The following LYST variants were observed in gnomAD, a reference collection of about 807,000 sequenced individuals.
The protein encoded by LYST is lysosomal trafficking regulator.
LYST carries 192 observed loss-of-function variants against 413.6 expected under a neutral mutation model. The ratio of observed to expected loss-of-function variants is 0.46; its 90% CI spans 0.41 to 0.52. LYST has a LOEUF of 0.52. Ranked by LOEUF, LYST falls within the 20% of genes least tolerant of loss-of-function variation. The pLI, the probability that LYST is intolerant of heterozygous loss-of-function variation, is 0.00. For missense variants in LYST, 3,815 were observed against 4,499.9 expected (o/e 0.85, Z 4.35); for synonymous variants, 1,525 against 1,567.3 (o/e 0.97, Z 0.64).
intron 1 of LYST, among the ~76,000 whole-genome samples, chr1:235,872,109 A>C (rs1680950802): frequency 6.6e-6 from 1 of 152,104 alleles, no homozygotes; most frequent in Admixed American, 6.6e-5. Context: ...CAGCCTGGCC[A>C]ATGTGGCGAA....
Position 235,806,236 on chromosome 1 carries a change from C to A in LYST, c.2900G>T (p.Cys967Phe). The A allele has an allele frequency of 1.2e-6, 2 of 1,613,928 alleles. No individual in the cohort carries two copies. Among genetic ancestry groups the A allele is most frequent in the Non-Finnish European group, 1.7e-6 (2 of 1,179,972 alleles). ...MHQAADIWSM[C>F]RWIYMLSSVF... The stretch of plus-strand genomic sequence containing the variant: ...TGAACTCAACATGTAGATCCAACGA[C>A]ACATAGACCAAATGTCTGCTGCTTG... Residue 967 changes from cysteine to phenylalanine, a missense_variant, in exon 6 of 53, where the codon TGT (cysteine) becomes TTT (phenylalanine). Coordinates refer to ENST00000389793, the MANE Select transcript of LYST (RefSeq NM_000081.4).
intron 21 of LYST, among the ~76,000 whole-genome samples, chr1:235,763,586 G>A (rs887781081): frequency 3.3e-5 from 5 of 152,020 alleles, no homozygotes; most frequent in Admixed American, 6.5e-5. Flanking sequence ...GAGTAGCTGG[G>A]ATTACAGGCA....
intron 28 of LYST, chr1:235,747,389 T>C: frequency 3.4e-6 from 1 of 292,496 alleles, no homozygotes; most frequent in Non-Finnish European, 7.1e-6. Flanking sequence ...CTACAAAAAT[T>C]ACTTACATAT....
rs1676226547 is a variant in LYST, at chr1:235,833,573, C to T, written c.-8+5G>A. 1 of 727,876 alleles carries T rather than the reference C, an allele frequency of 1.4e-6. No individual in the cohort carries two copies. Among genetic ancestry groups the T allele is most frequent in the South Asian group, 6.2e-5 (1 of 16,094 alleles). 45.1% of individuals were successfully genotyped at this position (727,876 alleles called of 1,614,324 possible). On this transcript the variant is annotated splice_donor_5th_base_variant and intron_variant, in intron 2 of 52. Transcript: ENST00000389793. ...TGGTTAATATTTATTACATTATATA[C>T]TTACCAGTCTTTCACCACTGCTGTG...
In LYST at chr1:235,774,957, C is replaced by A. The variant is rs139694536; in HGVS notation, c.5590G>T (p.Val1864Leu). The A allele has an allele frequency of 1.9e-6, 3 of 1,610,626 alleles. No individual in the cohort carries two copies. The highest frequency in any genetic ancestry group is 2.5e-6 in the Non-Finnish European group (3 of 1,178,488). Residue 1864 changes from valine (V) to leucine (L), a missense_variant, in exon 18 of 53, where the codon GTG (valine) becomes TTG (leucine). Around this residue, in one of 4 missense-constraint regions of LYST, gnomAD observed 530 missense variants for 696.5 expected, o/e 0.76. Transcript: ENST00000389793. ...NCNGLSMIHQ[V>L]LIKQKCIVGF... The stretch of plus-strand genomic sequence containing the variant: ...ACAATGCATTTTTGTTTGATCAACA[C>A]CTGATGAATCATAGAAAGTCCATTA...
intron 44 of LYST, among the ~76,000 whole-genome samples, 170 bp downstream of exon 44, chr1:235,708,920 GT>G (rs1662194770): frequency 6.6e-6 from 1 of 152,132 alleles, no homozygotes; most frequent in African/African-American, 2.4e-5. Flanking sequence ...ATAGTATCTT[GT>G]TTTTAAAGAG....
chr1:235,745,676 T>C (rs1364223163), intron 29 of LYST, among the ~76,000 whole-genome samples: 1 of 152,180 alleles, frequency 6.6e-6, no homozygotes, highest in Non-Finnish European at 1.5e-5. Flanking sequence ...CCCAGATTCA[T>C]ACATCCATAC....
chr1:235,845,224 A>G (rs1280098349), intron 1 of LYST, among the ~76,000 whole-genome samples: 3 of 152,198 alleles, frequency 2.0e-5, no homozygotes, highest in South Asian at 2.1e-4. Flanking sequence ...CCACTGGAGA[A>G]GCTGAAGGTC....
At chr1:235,685,561 A>C (rs1183308497) in intron 48 of LYST, among the ~76,000 whole-genome samples, 3 of 151,802 alleles carry the variant, frequency 2.0e-5, no homozygotes, top group African/African-American at 4.8e-5. Context: ...AAAAGTAAGA[A>C]CCTGGCTGGG....
intron 26 of LYST, 88 bp from the exon 27 acceptor site, chr1:235,752,259 T>TA: frequency 1.0e-6 from 1 of 992,526 alleles, no homozygotes; most frequent in South Asian, 1.4e-5. Context: ...TTAAATGGTT[T>TA]AAATTCCTGT....
At chr1:235,844,895 G>A (rs567332271) in intron 1 of LYST, among the ~76,000 whole-genome samples, 5 of 152,236 alleles carry the variant, frequency 3.3e-5, no homozygotes, top group African/African-American at 1.2e-4. Flanking sequence ...AAGCTTTACT[G>A]TGTAACTTTT....
chr1:235,777,098 C>T lies in LYST; in HGVS notation c.5425G>A (p.Gly1809Ser). The T allele has an allele frequency of 1.2e-6, 2 of 1,613,412 alleles. No individual in the cohort carries two copies. The highest frequency in any genetic ancestry group is 1.7e-6 in the Non-Finnish European group (2 of 1,179,550). ...AGAAAAACAAATATGCCAGTTCCAC[C>T]AATTTCGTGCAGAATGCCTTGAATA... is the stretch of plus-strand genomic sequence containing the variant. Reference protein sequence around the residue: ...KTIQGILHEIGGTGIFVFLFA... With the variant: ...KTIQGILHEISGTGIFVFLFA... The change falls in exon 17 of 53, where the codon GGT becomes AGT. Residue 1809 changes from glycine to serine, a missense_variant. Physicochemically the swap from Gly to Ser is moderately conservative, Grantham distance 56. Around this residue, in one of 4 missense-constraint regions of LYST, gnomAD observed 530 missense variants for 696.5 expected, o/e 0.76. Transcript: ENST00000389793.
Position 235,712,211 on chromosome 1 carries a change from C to A in LYST, c.9785-14G>T. The A allele has an allele frequency of 6.5e-7, 1 of 1,549,774 alleles. No individual in the cohort carries two copies. Among genetic ancestry groups the A allele is most frequent in the Non-Finnish European group, 8.8e-7 (1 of 1,134,840 alleles). On this transcript the variant is annotated splice_polypyrimidine_tract_variant and intron_variant, in intron 42 of 52. Transcript: ENST00000389793. ...CAAAACTTTGATCTATAAAAAAATA[C>A]AAATAATACGATTAAGACACAAAGA...
chr1:235,669,313 T>C (rs1383305421), intron 50 of LYST, among the ~76,000 whole-genome samples: 1 of 152,194 alleles, frequency 6.6e-6, no homozygotes, highest in Non-Finnish European at 1.5e-5. Flanking sequence ...GCAGGGAACC[T>C]AAGACAGTTT....
chr1:235,723,652 G>T (rs1663593291), intron 39 of LYST, among the ~76,000 whole-genome samples: 1 of 152,204 alleles, frequency 6.6e-6, no homozygotes, highest in African/African-American at 2.4e-5. Context: ...GTGGTGAGAA[G>T]TCTGTCTGAA....
At chr1:235,710,374 C>T (rs560020230) in intron 43 of LYST, among the ~76,000 whole-genome samples, 5 of 152,042 alleles carry the variant, frequency 3.3e-5, no homozygotes, top group South Asian at 2.1e-4. Flanking sequence ...GCTTCAGGAG[C>T]GGCAGCAGCA....
intron 1 of LYST, among the ~76,000 whole-genome samples, chr1:235,841,084 G>T (rs980566179): frequency 6.6e-6 from 1 of 150,518 alleles, no homozygotes. Context: ...TTAGGCCAGT[G>T]ACTAACTTCT....
At chr1:235,821,645 A>G (rs957210075) in intron 3 of LYST, among the ~76,000 whole-genome samples, 1 of 152,206 alleles carries the variant, frequency 6.6e-6, no homozygotes, top group African/African-American at 2.4e-5. Context: ...TTTTTATATA[A>G]AGAACCAGAT....
At position 235,805,880 on chromosome 1, in the gene LYST, C is replaced by T. The variant is rs551224676; in HGVS notation, c.3256G>A (p.Glu1086Lys). ...TGACTTGTAAATAGCTTTGCTTCCT[C>T]GGGAGCGGCTTCAGTAGCTGAAACT... ...EEVSATEAAP[E>K]EAKLFTSQES... Residue 1086 changes from glutamate to lysine, a missense_variant, in exon 6 of 53, where the codon GAG (glutamate) becomes AAG (lysine). By Grantham distance (56) the Glu-to-Lys change is moderately conservative (BLOSUM62 1). This residue lies in a region of LYST where 1,648 missense variants were observed against 1,810.3 expected (regional missense o/e 0.91). Coordinates refer to ENST00000389793, the MANE Select transcript of LYST (RefSeq NM_000081.4). 4.0e-5 allele frequency: 65 copies of T among 1,613,554 alleles called. 1 individual carries two copies. Among genetic ancestry groups the T allele is most frequent in the South Asian group, 2.1e-4 (19 of 91,082 alleles).
Sources: gnomAD v4.1 joint callset for allele counts (sites outside exome capture counted in the v4.1 genomes callset) on GRCh38, gnomAD v4.1.1 for gene constraint, gnomAD v4.1.1 regional missense constraint, MANE v1.5 for transcripts, NCBI Gene and HGNC (gene_info 2026-07-23, HGNC 2026-07-21) for gene names.